Variants in CNTN6 observed in about 807,000 individuals in gnomAD.
CNTN6 encodes contactin-6.
In CNTN6, 137 loss-of-function variants were observed where a neutral mutation model predicts 122.8. That is an observed-to-expected ratio of 1.12 (90% confidence interval 0.97 to 1.29). The LOEUF (loss-of-function observed/expected upper bound fraction) is 1.29. Ranked by LOEUF, CNTN6 falls within the 50% of genes most tolerant of loss-of-function variation. The probability of loss-of-function intolerance (pLI) is 0.00; values close to 1 mark genes in which losing one functional copy is unlikely to be tolerated. For missense variants in CNTN6, 1,634 were observed against 1,223.4 expected (o/e 1.34, Z -5.01); for synonymous variants, 570 against 426.0 (o/e 1.34, Z -4.16).
chr3:1,341,366 T>G (rs1401659887), intron 11 of CNTN6, among the ~76,000 whole-genome samples: 2 of 152,150 alleles, frequency 1.3e-5, no homozygotes, highest in African/African-American at 2.4e-5. Flanking sequence ...CTGCAGCGAA[T>G]GGAGACACTT....
intron 12 of CNTN6, among the ~76,000 whole-genome samples, chr3:1,354,899 C>T (rs554456296): frequency 5.3e-5 from 8 of 151,414 alleles, no homozygotes; most frequent in African/African-American, 1.9e-4. Context: ...TGACAGACAT[C>T]GATCACCTCA....
intron 4 of CNTN6, among the ~76,000 whole-genome samples, chr3:1,271,991 G>A (rs1215436676): frequency 1.3e-5 from 2 of 152,122 alleles, no homozygotes; most frequent in Non-Finnish European, 2.9e-5. Flanking sequence ...GGAGGTAATT[G>A]AATCATGGGG....
intron 7 of CNTN6, among the ~76,000 whole-genome samples, chr3:1,308,223 A>G (rs1032149221): frequency 6.6e-6 from 1 of 151,522 alleles, no homozygotes; most frequent in African/African-American, 2.4e-5. Context: ...AGCTTTTGCC[A>G]TTGGGAGACT....
chr3:1,228,998 T>C (rs2094321028), intron 4 of CNTN6, among the ~76,000 whole-genome samples: 1 of 152,160 alleles, frequency 6.6e-6, no homozygotes, highest in African/African-American at 2.4e-5. Flanking sequence ...GGGATGGCCT[T>C]GCTTCTGATT....
chr3:1,381,969 AGTAG>A (rs1321319611), intron 17 of CNTN6, among the ~76,000 whole-genome samples: 1 of 180 alleles, frequency 5.6e-3, no homozygotes, highest in African/African-American at 0.022. Context: ...CCAAGTGGCA[AGTAG>A]ATAGTGTGAT....
intron 22 of CNTN6, 84 bp downstream of exon 22, chr3:1,402,570 A>G: frequency 1.8e-6 from 2 of 1,118,142 alleles, no homozygotes; most frequent in Non-Finnish European, 2.5e-6. Context: ...CCTTCCAGTT[A>G]TGGCTTAAAT....
intron 2 of CNTN6, among the ~76,000 whole-genome samples, chr3:1,165,689 G>A (rs577188536): frequency 1.1e-4 from 16 of 152,164 alleles, no homozygotes; most frequent in African/African-American, 3.1e-4. Flanking sequence ...ATATTACCCA[G>A]GCAATAACCA....
chr3:1,226,918 C>T (rs1315304739), intron 3 of CNTN6, among the ~76,000 whole-genome samples: 3 of 152,124 alleles, frequency 2.0e-5, no homozygotes, highest in East Asian at 1.9e-4. Context: ...TGTGACTATA[C>T]ACAGCCTGTG....
intron 7 of CNTN6, among the ~76,000 whole-genome samples, chr3:1,301,527 G>A (rs1697415055): frequency 6.6e-6 from 1 of 152,048 alleles, no homozygotes; most frequent in Non-Finnish European, 1.5e-5. Flanking sequence ...TGTTAAATGG[G>A]AATAGGAAAA....
chr3:1,391,143 C>T (rs1328246400), intron 20 of CNTN6, among the ~76,000 whole-genome samples: 1 of 64,604 alleles, frequency 1.5e-5, no homozygotes, highest in African/African-American at 6.3e-5. Context: ...AACATTGATG[C>T]AAAAATCCTC....
Position 1,147,953 on chromosome 3 carries a change from G to T in CNTN6, c.-56G>T. On this transcript the variant is annotated 5_prime_UTR_variant, in exon 2 of 23. Transcript: ENST00000446702. ...CTCTTGAGATACTGACTGGAAGATA[G>T]ACTGTTTTGTTCCACCTGATTGTAT... 1 of 1,269,974 alleles carries T rather than the reference G, an allele frequency of 7.9e-7. No homozygotes were observed. Among genetic ancestry groups the T allele is most frequent in the South Asian group, 1.2e-5 (1 of 81,392 alleles). 78.7% of individuals were successfully genotyped at this position (1,269,974 alleles called of 1,614,324 possible). A position where few individuals can be genotyped will look rare whatever the true frequency, so the allele number is the denominator to read the frequency against.
At chr3:1,167,747 G>C (rs958380138) in intron 2 of CNTN6, among the ~76,000 whole-genome samples, 1 of 152,102 alleles carries the variant, frequency 6.6e-6, no homozygotes, top group Non-Finnish European at 1.5e-5. Context: ...AGGCTGTCTC[G>C]CTCCTGAATC....
intron 2 of CNTN6, among the ~76,000 whole-genome samples, chr3:1,199,833 T>C (rs190255136): frequency 2.0e-5 from 3 of 152,300 alleles, no homozygotes; most frequent in Admixed American, 2.0e-4. Flanking sequence ...ATTTTGGCGT[T>C]TGCAAAAACT....
chr3:1,384,514 C>G (rs914333741), intron 19 of CNTN6, among the ~76,000 whole-genome samples: 3 of 145,306 alleles, frequency 2.1e-5, no homozygotes, highest in Admixed American at 6.7e-5. Flanking sequence ...CTTCATCTCA[C>G]AAAGTAAAGA....
In CNTN6 at chr3:1,264,915, C is replaced by G. The variant is rs753751399; in HGVS notation, c.359-13498C>G. 3.9e-5 allele frequency among the ~76,000 whole-genome samples: 6 copies of G among 152,200 alleles called. No individual in the cohort carries two copies. The South Asian group carries it at 6.2e-4, about 16-fold the overall frequency. ...TAACCACCATTCTACTCTCTACTTACATGAATTTAACTTTTTTGATTCCTT... is the reference window on the plus strand; with the variant it reads ...TAACCACCATTCTACTCTCTACTTAGATGAATTTAACTTTTTTGATTCCTT... On this transcript the variant is annotated intron_variant, in intron 4 of 22. Transcript: ENST00000446702.
chr3:1,278,000 C>G (rs1381383528), intron 4 of CNTN6, among the ~76,000 whole-genome samples: 4 of 152,202 alleles, frequency 2.6e-5, no homozygotes, highest in African/African-American at 9.6e-5. Flanking sequence ...ATCCTAAATT[C>G]TCATAGATGC....
chr3:1,380,983 T>G (rs1310967360), intron 17 of CNTN6, among the ~76,000 whole-genome samples: 1 of 151,882 alleles, frequency 6.6e-6, no homozygotes, highest in African/African-American at 2.4e-5. Flanking sequence ...ATATATTTTT[T>G]AATCATTTGA....
At chr3:1,148,180 G>A in intron 2 of CNTN6, 117 bp downstream of exon 2, 1 of 758,430 alleles carries the variant, frequency 1.3e-6, no homozygotes, top group Non-Finnish European at 2.2e-6. Context: ...ATGACTAAGT[G>A]ATAATGTTTT....
chr3:1,108,663 A>G (rs2091340158), intron 1 of CNTN6, among the ~76,000 whole-genome samples: 1 of 152,090 alleles, frequency 6.6e-6, no homozygotes, highest in South Asian at 2.1e-4. Flanking sequence ...TTAAGGCTCT[A>G]AGGAGTCTTT....
Sources: allele counts gnomAD v4.1 joint callset (sites outside exome capture counted in the v4.1 genomes callset), GRCh38; gene constraint gnomAD v4.1.1; transcripts MANE v1.5; gene names NCBI Gene and HGNC (gene_info 2026-07-23, HGNC 2026-07-21).